POTEH: variants seen among roughly 807,000 people sequenced by gnomAD.
POTEH encodes ANKRD26-like family C member 3.
A neutral mutation model predicts 41.7 loss-of-function variants in POTEH; 6 were observed. The ratio of observed to expected loss-of-function variants is 0.14; its 90% confidence interval spans 0.08 to 0.28. The LOEUF is 0.28. Among genes scored for constraint, POTEH ranks in the 10% least tolerant of loss-of-function variants. The pLI, the probability that POTEH is intolerant of heterozygous loss-of-function variation, is 1.00. For synonymous variants in POTEH, 38 were observed against 179.9 expected (o/e 0.21, Z 6.31); for missense variants, 115 against 533.5 (o/e 0.22, Z 7.73).
chr22:15,690,122 G>T lies in POTEH; in HGVS notation c.45G>T (p.Lys15Asn). The change falls in exon 1 of 11, where the codon AAG (lysine) becomes AAT (asparagine). Residue 15 changes from lysine (K) to asparagine (N), a missense_variant. Physicochemically the swap from Lys to Asn is moderately conservative, Grantham distance 94. Transcript: ENST00000343518. ...AGSMPAASSV[K>N]KPFGLRSKMG... is the part of the protein sequence containing the mutation. ...CAATGCCGGCTGCCTCCTCTGTGAA[G>T]AAGCCATTTGGTCTCAGAAGCAAGA... is the stretch of plus-strand genomic sequence containing the variant. 1 of 1,408,072 alleles carries T rather than the reference G, an allele frequency of 7.1e-7. No individual in the cohort carries two copies. The highest frequency in any genetic ancestry group is 1.2e-5 in the South Asian group (1 of 85,920). The allele number at this position is 1,408,072 out of a possible 1,614,324, so 87.2% of individuals were successfully genotyped here.
Position 15,690,493 on chromosome 22 carries a change from G to T in POTEH, c.416G>T (p.Cys139Phe), listed in dbSNP as rs754136109. ...KTLRSKMGKWCCHCFPCCRGS... is the reference protein window; with the variant it reads ...KTLRSKMGKWFCHCFPCCRGS... Reference sequence around the variant, plus strand: ...CTCAGGAGCAAGATGGGCAAGTGGTGCTGCCACTGCTTCCCCTGCTGCAGG... The same window carrying T: ...CTCAGGAGCAAGATGGGCAAGTGGTTCTGCCACTGCTTCCCCTGCTGCAGG... Residue 139 changes from cysteine to phenylalanine, a missense_variant, in exon 1 of 11, where the codon TGC becomes TTC. Transcript: ENST00000343518. The T allele has an allele frequency of 1.4e-6, 2 of 1,410,048 alleles. No individual in the cohort carries two copies. The highest frequency in any genetic ancestry group is 9.8e-7 in the Non-Finnish European group (1 of 1,018,450). 87.3% of individuals were successfully genotyped at this position (1,410,048 alleles called of 1,614,324 possible). A position where few individuals can be genotyped will look rare whatever the true frequency, so the allele number is the denominator to read the frequency against.
chr22:15,714,392 C>T (rs528889335), intron 9 of POTEH, among the ~76,000 whole-genome samples: 121 of 152,156 alleles, frequency 8.0e-4, no homozygotes, highest in African/African-American at 2.9e-3. Flanking sequence ...TGTCAGAGTT[C>T]CTCCTAATAA....
intron 1 of POTEH, among the ~76,000 whole-genome samples, chr22:15,691,990 AT>A (rs1989328931): frequency 2.5e-5 from 1 of 39,960 alleles, no homozygotes; most frequent in Non-Finnish European, 5.9e-5. Context: ...AGATACATAT[AT>A]ATATATATAT....
intron 9 of POTEH, among the ~76,000 whole-genome samples, chr22:15,714,588 ATTC>A (rs1178066232): frequency 1.3e-5 from 2 of 151,964 alleles, no homozygotes; most frequent in African/African-American, 4.9e-5. Flanking sequence ...TTCCCCAGAT[ATTC>A]TTCTAGCTTA....
intron 7 of POTEH, among the ~76,000 whole-genome samples, chr22:15,708,682 T>A (rs1989735276): frequency 2.9e-5 from 4 of 135,878 alleles, no homozygotes; most frequent in African/African-American, 1.2e-4. Context: ...TTTAAAATAT[T>A]CTTATCTGCC....
chr22:15,699,138 T>TAA, intron 4 of POTEH, among the ~76,000 whole-genome samples: 1 of 144,838 alleles, frequency 6.9e-6, no homozygotes, highest in Middle Eastern at 3.5e-3. Context: ...TTCCACTAAA[T>TAA]ACGCTGTATT....
chr22:15,708,777 A>T (rs1375340587), intron 7 of POTEH, among the ~76,000 whole-genome samples: 1 of 49,524 alleles, frequency 2.0e-5, no homozygotes. Context: ...TTTTTACAAC[A>T]TCCTAACATG....
chr22:15,704,122 A>G (rs879547708), intron 6 of POTEH, among the ~76,000 whole-genome samples: 1,004 of 128,862 alleles, frequency 7.8e-3, no homozygotes, highest in South Asian at 0.019. Context: ...ATATGTGATG[A>G]GGAATGAAAA....
Position 15,690,175 on chromosome 22 carries a change from C to T in POTEH, c.98C>T (p.Ala33Val), listed in dbSNP as rs1364090307. The change falls in exon 1 of 11, where the codon GCC (alanine) becomes GTC (valine). Residue 33 changes from alanine (A) to valine (V), a missense_variant. By Grantham distance (64) the Ala-to-Val change is moderately conservative. Transcript: ENST00000343518. The stretch of plus-strand genomic sequence containing the variant: ...GGCAAGTGGTGCCGCCACTGCTTCG[C>T]CTGGTGCAGGGGGAGCGGCAAGAGC... ...KMGKWCRHCF[A>V]WCRGSGKSNV... The T allele has an allele frequency of 3.0e-6, 4 of 1,354,614 alleles. 1 individual carries two copies. Among genetic ancestry groups the T allele is most frequent in the African/African-American group, 1.6e-5 (1 of 63,272 alleles). 83.9% of individuals were successfully genotyped at this position (1,354,614 alleles called of 1,614,324 possible).
Position 15,717,448 on chromosome 22 carries a change from C to T in POTEH, c.1521-2212C>T, listed in dbSNP as rs1379106967. 4.3e-5 allele frequency among the ~76,000 whole-genome samples: 4 copies of T among 93,678 alleles called. 2 individuals carry two copies. Among genetic ancestry groups the T allele is most frequent in the Non-Finnish European group, 9.5e-5 (4 of 42,262 alleles). 61.5% of individuals were successfully genotyped at this position (93,678 alleles called of 152,430 possible). A position where few individuals can be genotyped will look rare whatever the true frequency, so the allele number is the denominator to read the frequency against. ...CACTGTTCTCCTTTCACCACATCCA[C>T]ACCAACATCTGTTTTTTTTTGTTTT... On this transcript the variant is annotated intron_variant, in intron 9 of 10. Transcript: ENST00000343518.
intron 9 of POTEH, among the ~76,000 whole-genome samples, chr22:15,714,069 CT>C (rs1329823474): frequency 6.6e-6 from 1 of 151,970 alleles, no homozygotes; most frequent in East Asian, 1.9e-4. Context: ...CTTCCAGTTG[CT>C]CTGCCAAAAA....
chr22:15,708,683 C>A (rs1423304142), intron 7 of POTEH, among the ~76,000 whole-genome samples: 1 of 133,098 alleles, frequency 7.5e-6, no homozygotes, highest in East Asian at 2.5e-4. Context: ...TTAAAATATT[C>A]TTATCTGCCT....
intron 1 of POTEH, among the ~76,000 whole-genome samples, chr22:15,691,525 C>CTGA (rs1989309960): frequency 1.9e-4 from 17 of 88,100 alleles, no homozygotes; most frequent in African/African-American, 6.6e-4. Flanking sequence ...GACTCCGTCT[C>CTGA]AAAAAAAAAA....
chr22:15,712,963 CAT>C (rs1423101752), intron 9 of POTEH, among the ~76,000 whole-genome samples: 2 of 150,548 alleles, frequency 1.3e-5, no homozygotes, highest in Non-Finnish European at 2.9e-5. Flanking sequence ...TTTAATGCCA[CAT>C]GTGTATAATT....
In POTEH at chr22:15,690,905, C is replaced by T. The variant is rs1008758466; in HGVS notation, c.632+196C>T. Reference sequence around the variant, plus strand: ...CAAAAACAAAACTTTAGCTGATTTCCAATCAAATCATAATTTCCTTCCTAG... The same window carrying T: ...CAAAAACAAAACTTTAGCTGATTTCTAATCAAATCATAATTTCCTTCCTAG... On this transcript the variant is annotated intron_variant, in intron 1 of 10. Coordinates refer to ENST00000343518, the MANE Select transcript of POTEH (RefSeq NM_001136213.1). 3.8e-5 allele frequency among the ~76,000 whole-genome samples: 5 copies of T among 129,978 alleles called. 1 individual carries two copies. Among genetic ancestry groups the T allele is most frequent in the African/African-American group, 1.1e-4 (4 of 36,216 alleles). 85.3% of individuals were successfully genotyped at this position (129,978 alleles called of 152,430 possible).
At chr22:15,712,879 A>G (rs1365716432) in intron 9 of POTEH, among the ~76,000 whole-genome samples, 4 of 148,552 alleles carry the variant, frequency 2.7e-5, no homozygotes, top group Middle Eastern at 3.4e-3. Flanking sequence ...ATGTATAAGC[A>G]TGAATGAACA....
Position 15,697,572 on chromosome 22 carries a change from G to T in POTEH, c.922-1090G>T, listed in dbSNP as rs1209119295. The T allele has an allele frequency of 3.0e-5, 3 of 99,058 alleles. 1 individual carries two copies. The highest frequency in any genetic ancestry group is 5.2e-5 in the Non-Finnish European group (3 of 57,682). The allele number at this position is 99,058 out of a possible 1,614,324, so 6.1% of individuals were successfully genotyped here. On this transcript the variant is annotated intron_variant, in intron 3 of 10. Transcript: ENST00000343518. ...TTGCCATGTTTCTCAGGCTGGTCTTGAACTCCTGGGCTCAAGCAATTCATC... is the reference window on the plus strand; with the variant it reads ...TTGCCATGTTTCTCAGGCTGGTCTTTAACTCCTGGGCTCAAGCAATTCATC...
intron 9 of POTEH, among the ~76,000 whole-genome samples, chr22:15,717,684 G>A (rs1483318344): frequency 1.3e-5 from 2 of 148,348 alleles, no homozygotes; most frequent in Non-Finnish European, 3.0e-5. Context: ...GTTTCTTGTA[G>A]GTTATAGATA....
chr22:15,696,822 C>G (rs1021865223), intron 3 of POTEH, among the ~76,000 whole-genome samples: 1 of 138,144 alleles, frequency 7.2e-6, no homozygotes, highest in Non-Finnish European at 1.6e-5. Context: ...ACTCTTTACT[C>G]TTTTTGGCCA....
Sources: gnomAD v4.1 joint callset for allele counts (sites outside exome capture counted in the v4.1 genomes callset) on GRCh38, gnomAD v4.1.1 for gene constraint, MANE v1.5 for transcripts, NCBI Gene and HGNC (gene_info 2026-07-23, HGNC 2026-07-21) for gene names.